The following AXIN2 variants were observed in gnomAD, a reference collection of about 807,000 sequenced individuals.
AXIN2 encodes the protein axin-2.
Under a neutral mutation model 74.7 loss-of-function variants are expected in AXIN2, and 21 were observed. The observed-to-expected ratio is 0.28, with a 90% CI of 0.20 to 0.40. The LOEUF (loss-of-function observed/expected upper bound fraction) is 0.40, where lower values mean the gene tolerates loss of function less well. Among genes scored for constraint, AXIN2 ranks in the 10% least tolerant of loss-of-function variants. The pLI is 1.00. For synonymous variants in AXIN2, 532 were observed against 454.9 expected (o/e 1.17, Z -2.16); for missense variants, 1,144 against 1,111.1 (o/e 1.03, Z -0.42).
chr17:65,537,898 G>A (rs1567756770), intron 5 of AXIN2, 63 bp from the exon 6 acceptor site: 1 of 1,491,298 alleles, frequency 6.7e-7, no homozygotes, highest in Non-Finnish European at 8.9e-7. Flanking sequence ...AGGCCCTGGG[G>A]TTGCAACATT....
intron 3 of AXIN2, among the ~76,000 whole-genome samples, chr17:65,547,636 A>C (rs759623067): frequency 1.3e-5 from 2 of 152,252 alleles, no homozygotes; most frequent in African/African-American, 2.4e-5. Flanking sequence ...TAAGAAAACT[A>C]AACAGAAGTC....
rs188546450 is a variant in AXIN2, at chr17:65,553,654, C to G, written c.816-3994G>C. Among the ~76,000 whole-genome samples, 11 of 152,188 alleles carry G rather than the reference C, an allele frequency of 7.2e-5. No homozygotes were observed. In the East Asian group the frequency reaches 2.1e-3, roughly 29 times the overall value. Reference sequence around the variant, plus strand: ...GTAATTAAAAATGGAATATACTGCTCTTAACTCAGTTGACTGCAATAAAGT... The same window carrying G: ...GTAATTAAAAATGGAATATACTGCTGTTAACTCAGTTGACTGCAATAAAGT... On this transcript the variant is annotated intron_variant, in intron 2 of 10. Coordinates refer to ENST00000307078, the MANE Select transcript of AXIN2 (RefSeq NM_004655.4).
chr17:65,538,090 C>T lies in AXIN2; in HGVS notation c.1200+113G>A, dbSNP rs558404181. 1.8e-5 allele frequency: 28 copies of T among 1,561,298 alleles called. No individual in the cohort carries two copies. The African/African-American group carries it at 3.6e-4, about 20-fold the overall frequency. Reference sequence around the variant, plus strand: ...CACCCACACGCAGCCCACGCGCATGCGCATGCAACCCACGCACATGCGCAC... The same window carrying T: ...CACCCACACGCAGCCCACGCGCATGTGCATGCAACCCACGCACATGCGCAC... On this transcript the variant is annotated intron_variant, in intron 5 of 10. Transcript: ENST00000307078.
intron 10 of AXIN2, among the ~76,000 whole-genome samples, chr17:65,532,743 A>G (rs758735112): frequency 6.6e-6 from 1 of 152,224 alleles, no homozygotes; most frequent in African/African-American, 2.4e-5. Flanking sequence ...ACCAAGTGCT[A>G]TTCAGAGTTT....
rs755685014 is a variant in AXIN2, at chr17:65,549,600, T to G, written c.876A>C (p.Ala292=). The change falls in exon 3 of 11, where the codon GCA becomes GCC. Residue 292 remains alanine (A), a synonymous_variant. Coordinates refer to ENST00000307078, the MANE Select transcript of AXIN2 (RefSeq NM_004655.4). ...PYHIGSGYVF[A]PATSANDSEI... is the part of the protein sequence containing the mutation. ...CACTGTCGTTGGCGCTGGTGGCTGG[T>G]GCAAAGACATAGCCAGAACCTATGT... 10 of 1,606,524 alleles carry G rather than the reference T, an allele frequency of 6.2e-6. No homozygotes were observed. Among genetic ancestry groups the G allele is most frequent in the Middle Eastern group, 3.3e-4 (2 of 6,058 alleles).
At chr17:65,552,570 G>A (rs1360457368) in intron 2 of AXIN2, among the ~76,000 whole-genome samples, 1 of 152,134 alleles carries the variant, frequency 6.6e-6, no homozygotes, top group Non-Finnish European at 1.5e-5. Flanking sequence ...CTCACTGCTG[G>A]GCTGAGTCAC....
rs939121047 is a variant in AXIN2, at chr17:65,557,889, C to A, written c.732G>T (p.Ser244=). The A allele has an allele frequency of 6.2e-7, 1 of 1,614,148 alleles. No homozygotes were observed. The highest frequency in any genetic ancestry group is 2.2e-5 in the East Asian group (1 of 44,878). The change falls in exon 2 of 11, where the codon TCG becomes TCT. Residue 244 remains serine (S), a synonymous_variant. Coordinates refer to ENST00000307078, the MANE Select transcript of AXIN2 (RefSeq NM_004655.4). The part of the protein sequence containing the change: ...WTCADFKCKL[S]PTVVGLSSKT... ...TGCTGGACAAGCCAACCACGGTTGG[C>A]GAAAGTTTGCACTTGAAGTCGGCAC...
Position 65,536,305 on chromosome 17 carries a change from T to C in AXIN2, c.2141+15A>G, listed in dbSNP as rs762064558. ...CAATCCCTGCCTCAACCTAGGACCC[T>C]TCACTTCCACTCACCGCTGCTTTGG... On this transcript the variant is annotated intron_variant, in intron 8 of 10. Coordinates refer to ENST00000307078, the MANE Select transcript of AXIN2 (RefSeq NM_004655.4). The C allele has an allele frequency of 2.5e-6, 4 of 1,598,348 alleles. No homozygotes were observed. Among genetic ancestry groups the C allele is most frequent in the East Asian group, 4.5e-5 (2 of 44,494 alleles).
chr17:65,537,396 C>G lies in AXIN2; in HGVS notation c.1640G>C (p.Ser547Thr), dbSNP rs764903794. The G allele has an allele frequency of 6.2e-7, 1 of 1,614,104 alleles. No individual in the cohort carries two copies. The highest frequency in any genetic ancestry group is 8.5e-7 in the Non-Finnish European group (1 of 1,180,036). Reference protein sequence around the residue: ...QRVHCFCPGGSEYYCYSKCKS... With the variant: ...QRVHCFCPGGTEYYCYSKCKS... ...GCATTTCGAGTAGCAGTAATACTCG[C>G]TGCCCCCAGGGCAGAAGCAGTGCAC... Residue 547 changes from serine (S) to threonine (T), a missense_variant, in exon 6 of 11, where the codon AGC becomes ACC. Coordinates refer to ENST00000307078, the MANE Select transcript of AXIN2 (RefSeq NM_004655.4).
chr17:65,534,114 T>G (rs779269727), intron 9 of AXIN2, 35 bp from the exon 10 acceptor site: 14 of 1,613,318 alleles, frequency 8.7e-6, no homozygotes, highest in Non-Finnish European at 1.2e-5. Flanking sequence ...AGTTTAGCAT[T>G]TTAAAGCAGA....
At chr17:65,533,840 A>T in intron 10 of AXIN2, 72 bp downstream of exon 10, 4 of 670,958 alleles carry the variant, frequency 6.0e-6, no homozygotes, top group Non-Finnish European at 9.9e-6. Context: ...CAGCCAGGGG[A>T]GCTGCTCCAG....
intron 10 of AXIN2, among the ~76,000 whole-genome samples, chr17:65,530,416 C>A (rs2043797241): frequency 6.6e-6 from 1 of 152,314 alleles, no homozygotes; most frequent in Admixed American, 6.5e-5. Flanking sequence ...AGCTGCTTTC[C>A]CCCCGCCAAC....
At position 65,537,352 on chromosome 17, in the gene AXIN2, G is replaced by T. The variant is rs1461001184; in HGVS notation, c.1684C>A (p.Pro562Thr). Reference protein sequence around the residue: ...YSKCKSHSKAPETMPSEQFGG... With the variant: ...YSKCKSHSKATETMPSEQFGG... ...AACTGCTCGCTGGGCATGGTTTCCGGAGCCTTGGAGTGGCTTTTGCATTTC... is the reference window on the plus strand; with the variant it reads ...AACTGCTCGCTGGGCATGGTTTCCGTAGCCTTGGAGTGGCTTTTGCATTTC... Residue 562 changes from proline to threonine, a missense_variant, in exon 6 of 11, where the codon CCG becomes ACG. Pro to Thr is a conservative substitution (Grantham distance 38). This residue lies in a region of AXIN2 where 1,053 missense variants were observed against 973.5 expected (regional missense o/e 1.08). Transcript: ENST00000307078. The T allele has an allele frequency of 6.2e-7, 1 of 1,614,142 alleles. No homozygotes were observed. The highest frequency in any genetic ancestry group is 8.5e-7 in the Non-Finnish European group (1 of 1,180,046).
At chr17:65,537,992 G>A in intron 5 of AXIN2, 157 bp from the exon 6 acceptor site, 1 of 1,323,336 alleles carries the variant, frequency 7.6e-7, no homozygotes, top group Non-Finnish European at 1.0e-6. Flanking sequence ...GCCTACACAA[G>A]CACATATCCA....
At chr17:65,552,539 G>A (rs1465189359) in intron 2 of AXIN2, among the ~76,000 whole-genome samples, 4 of 152,178 alleles carry the variant, frequency 2.6e-5, no homozygotes, top group African/African-American at 9.7e-5. Context: ...GCTGGGCACT[G>A]CTGCCGGCTT....
At chr17:65,542,432 T>A (rs1027713274) in intron 3 of AXIN2, among the ~76,000 whole-genome samples, 1 of 152,228 alleles carries the variant, frequency 6.6e-6, no homozygotes, top group Non-Finnish European at 1.5e-5. Flanking sequence ...GTTAGTGATA[T>A]GTACTATGAA....
chr17:65,543,900 C>G (rs2044078097), intron 3 of AXIN2, among the ~76,000 whole-genome samples: 2 of 152,212 alleles, frequency 1.3e-5, no homozygotes, highest in African/African-American at 4.8e-5. Context: ...ATCCCCATCT[C>G]TCACCTAAGA....
chr17:65,558,522 G>A lies in AXIN2; in HGVS notation c.99C>T (p.Thr33=), dbSNP rs1194377020. 6.2e-7 allele frequency: 1 copy of A among 1,613,870 alleles called. No homozygotes were observed. Among genetic ancestry groups the A allele is most frequent in the Non-Finnish European group, 8.5e-7 (1 of 1,179,954 alleles). ...TGCCCACCCCTGGCTGACACGGTGG[G>A]GTCTCCCCTTCTTCCCCTGGCACTG... ...RPPVPGEEGE[T]PPCQPGVGKG... Residue 33 remains threonine, a synonymous_variant, in exon 2 of 11, where the codon ACC becomes ACT. Coordinates refer to ENST00000307078, the MANE Select transcript of AXIN2 (RefSeq NM_004655.4).
intron 10 of AXIN2, 150 bp downstream of exon 10, chr17:65,533,762 G>A (rs1259339866): frequency 1.1e-6 from 1 of 914,580 alleles, no homozygotes; most frequent in Non-Finnish European, 1.7e-6. Context: ...GGGGAGAGAA[G>A]AAATGAGAAG....
Sources: allele counts gnomAD v4.1 joint callset (sites outside exome capture counted in the v4.1 genomes callset), GRCh38; gene constraint gnomAD v4.1.1; regional missense constraint gnomAD v4.1.1; transcripts MANE v1.5; gene names NCBI Gene and HGNC (gene_info 2026-07-23, HGNC 2026-07-21).